Variants in DCAF6 observed in about 807,000 individuals in gnomAD.
DCAF6 encodes the protein DDB1 and CUL4 associated factor 6.
DCAF6 carries 54 observed loss-of-function variants against 125.1 expected under a neutral mutation model. The ratio of observed to expected loss-of-function variants is 0.43; its 90% CI spans 0.35 to 0.54. DCAF6 has a LOEUF of 0.54. Ranked by LOEUF, DCAF6 falls within the 20% of genes least tolerant of loss-of-function variation. The pLI, the probability that DCAF6 is intolerant of heterozygous loss-of-function variation, is 0.01. For missense variants in DCAF6, 934 were observed against 1,161.7 expected (o/e 0.80, Z 2.85); for synonymous variants, 371 against 390.4 (o/e 0.95, Z 0.58).
chr1:167,981,743 G>A (rs1679192774), intron 4 of DCAF6, among the ~76,000 whole-genome samples: 1 of 152,198 alleles, frequency 6.6e-6, no homozygotes, highest in South Asian at 2.1e-4. Context: ...AGTGTTCCAT[G>A]TATATGTACC....
At chr1:167,875,337 G>A in the DCAF6 span, 1 of 755,250 alleles carries the variant, frequency 1.3e-6, no homozygotes, top group African/African-American at 1.7e-5. Flanking sequence ...GCCAAAAGAA[G>A]GAGAAACGAG....
chr1:168,055,794 A>G (rs1690638796), intron 17 of DCAF6: 4 of 778,854 alleles, frequency 5.1e-6, no homozygotes, highest in Admixed American at 2.3e-5. Flanking sequence ...TTTTTTCCCC[A>G]TCGGTAATAC....
chr1:168,014,519 T>C (rs1684700487), intron 10 of DCAF6, among the ~76,000 whole-genome samples: 1 of 152,198 alleles, frequency 6.6e-6, no homozygotes, highest in Non-Finnish European at 1.5e-5. Flanking sequence ...CAAATTTATA[T>C]CTCTGAATTG....
At chr1:168,010,479 ATT>A (rs552539088) in intron 10 of DCAF6, among the ~76,000 whole-genome samples, 1 of 146,412 alleles carries the variant, frequency 6.8e-6, no homozygotes, top group Admixed American at 6.8e-5. Context: ...CAGTTGATGG[ATT>A]TTTTTTTTTG....
the DCAF6 span, among the ~76,000 whole-genome samples, chr1:167,911,733 T>G: frequency 6.6e-6 from 1 of 152,346 alleles, no homozygotes; most frequent in South Asian, 2.1e-4. Flanking sequence ...TAAATTTATG[T>G]TCAAGTGCTA....
At chr1:167,956,215 T>C (rs1458438728) in intron 2 of DCAF6, among the ~76,000 whole-genome samples, 1 of 152,148 alleles carries the variant, frequency 6.6e-6, no homozygotes, top group African/African-American at 2.4e-5. Context: ...TTTTTTTTCC[T>C]GGGAAATGTC....
chr1:167,892,619 A>G, the DCAF6 span, among the ~76,000 whole-genome samples: 1 of 152,144 alleles, frequency 6.6e-6, no homozygotes, highest in South Asian at 2.1e-4. Context: ...GACTTTTTTA[A>G]GCTTCAAAAG....
At chr1:167,936,390 C>T (rs1671216586), upstream of DCAF6, 1 of 177,334 alleles carries the variant, frequency 5.6e-6, no homozygotes, top group Non-Finnish European at 1.2e-5. Context: ...TCTCTTGCTT[C>T]TTTTCACTGG....
rs1319735813 is a variant in DCAF6, at chr1:168,075,640, T to A, written c.*205T>A. ...TAAAACAAAACTAGCAGAATGTTTT[T>A]AAAACTTTTTGCCGTGTATGAGGAG... On this transcript the variant is annotated 3_prime_UTR_variant, in exon 22 of 22. Coordinates refer to ENST00000367840, the MANE Select transcript of DCAF6 (RefSeq NM_001198956.2). 2 of 484,306 alleles carry A rather than the reference T, an allele frequency of 4.1e-6. No homozygotes were observed. Among genetic ancestry groups the A allele is most frequent in the Admixed American group, 4.0e-5 (1 of 24,834 alleles). 30.0% of individuals were successfully genotyped at this position (484,306 alleles called of 1,614,324 possible). A position where few individuals can be genotyped will look rare whatever the true frequency, so the allele number is the denominator to read the frequency against.
At chr1:167,987,296 T>G (rs1349150327) in intron 4 of DCAF6, among the ~76,000 whole-genome samples, 199 bp from the exon 5 acceptor site, 1 of 152,220 alleles carries the variant, frequency 6.6e-6, no homozygotes, top group East Asian at 1.9e-4. Flanking sequence ...CTGAATCATA[T>G]TAATTCAACA....
chr1:167,894,734 C>T, the DCAF6 span, among the ~76,000 whole-genome samples: 1 of 152,072 alleles, frequency 6.6e-6, no homozygotes. Context: ...CAGTGAATTA[C>T]TGAACCTGAG....
At chr1:167,875,242 G>A in the DCAF6 span, 2 of 1,540,948 alleles carry the variant, frequency 1.3e-6, no homozygotes, top group South Asian at 1.1e-5. Flanking sequence ...CATATTGAGA[G>A]CAAGAGTGAT....
intron 10 of DCAF6, among the ~76,000 whole-genome samples, chr1:168,013,825 A>G (rs2103159333): frequency 6.6e-6 from 1 of 152,188 alleles, no homozygotes. Flanking sequence ...GGCTTACTGC[A>G]GCCTTGACCT....
the DCAF6 span, among the ~76,000 whole-genome samples, chr1:167,911,059 G>T: frequency 3.3e-5 from 5 of 152,218 alleles, no homozygotes; most frequent in Non-Finnish European, 1.5e-5. Flanking sequence ...TGGATGGAAA[G>T]TGGGTTAGGT....
At chr1:168,063,508 T>G in intron 17 of DCAF6, 113 bp from the exon 18 acceptor site, 3 of 904,512 alleles carry the variant, frequency 3.3e-6, no homozygotes, top group Non-Finnish European at 4.6e-6. Context: ...GGGTGCCTTA[T>G]TGAGATAGTG....
At chr1:168,067,430 G>A (rs1300084429) in intron 20 of DCAF6, among the ~76,000 whole-genome samples, 1 of 152,060 alleles carries the variant, frequency 6.6e-6, no homozygotes, top group African/African-American at 2.4e-5. Context: ...TTGTAAATGG[G>A]GTAGATAGGA....
chr1:167,903,050 T>C, the DCAF6 span, among the ~76,000 whole-genome samples: 1 of 151,452 alleles, frequency 6.6e-6, no homozygotes, highest in African/African-American at 2.4e-5. Flanking sequence ...AGGTCAGGAG[T>C]TAGAGACCAG....
intron 6 of DCAF6, among the ~76,000 whole-genome samples, chr1:167,991,942 G>A (rs148817406): frequency 9.2e-5 from 14 of 152,216 alleles, no homozygotes; most frequent in African/African-American, 3.4e-4. Flanking sequence ...AACTACATCT[G>A]TAAAGGTCAC....
At chr1:167,920,510 T>C in the DCAF6 span, 2 of 1,598,340 alleles carry the variant, frequency 1.3e-6, no homozygotes, top group African/African-American at 1.4e-5. Context: ...ATCATTTATG[T>C]TCTACAAGAA....
Sources: gnomAD v4.1 joint callset for allele counts (sites outside exome capture counted in the v4.1 genomes callset) on GRCh38, gnomAD v4.1.1 for gene constraint, MANE v1.5 for transcripts, NCBI Gene and HGNC (gene_info 2026-07-23, HGNC 2026-07-21) for gene names.